The following HIPK2 variants were observed in gnomAD, a reference collection of about 807,000 sequenced individuals.
HIPK2 encodes the protein homeodomain-interacting protein kinase 2.
Under a neutral mutation model 113.7 loss-of-function variants are expected in HIPK2, and 27 were observed. That is an observed-to-expected ratio of 0.24 (90% CI 0.17 to 0.33). The LOEUF (loss-of-function observed/expected upper bound fraction) is 0.33. Among genes scored for constraint, HIPK2 ranks in the 10% least tolerant of loss-of-function variants. HIPK2 has a pLI of 1.00. For synonymous variants in HIPK2, 631 were observed against 642.2 expected (o/e 0.98, Z 0.26); for missense variants, 1,257 against 1,588.0 (o/e 0.79, Z 3.54).
chr7:139,583,168 G>A (rs913473723), intron 13 of HIPK2, among the ~76,000 whole-genome samples: 3 of 152,230 alleles, frequency 2.0e-5, no homozygotes, highest in Admixed American at 6.5e-5. Context: ...ATGAGCAAGG[G>A]AAACGCTAAA....
intron 1 of HIPK2, among the ~76,000 whole-genome samples, chr7:139,734,209 A>G (rs890828622): frequency 6.6e-6 from 1 of 152,214 alleles, no homozygotes; most frequent in Non-Finnish European, 1.5e-5. Context: ...CATCACTTCC[A>G]TTCCCCAGGA....
intron 2 of HIPK2, among the ~76,000 whole-genome samples, chr7:139,690,489 G>C (rs953619802): frequency 6.6e-6 from 1 of 151,962 alleles, no homozygotes. Flanking sequence ...TGTTGTCCTC[G>C]CAGTAATAAA....
At chr7:139,730,366 T>G (rs897348182) in intron 1 of HIPK2, among the ~76,000 whole-genome samples, 2 of 147,418 alleles carry the variant, frequency 1.4e-5, no homozygotes, top group Non-Finnish European at 3.0e-5. Flanking sequence ...TTTTCTCTCT[T>G]TTTTTTTTTT....
chr7:139,585,579 A>G (rs947002518), intron 12 of HIPK2, among the ~76,000 whole-genome samples: 1 of 152,328 alleles, frequency 6.6e-6, no homozygotes, highest in East Asian at 1.9e-4. Context: ...GTGGGCAGCT[A>G]TTTAACCTCT....
At chr7:139,773,584 GTGGTTCCCCAAGAC>G (rs1796689081) in intron 1 of HIPK2, among the ~76,000 whole-genome samples, 1 of 152,196 alleles carries the variant, frequency 6.6e-6, no homozygotes, top group Non-Finnish European at 1.5e-5. Context: ...AACCTCAAAG[GTGGTTCCCCAAGAC>G]TGGTCTCTAT....
chr7:139,602,677 G>C (rs1256219259), intron 10 of HIPK2, among the ~76,000 whole-genome samples: 1 of 152,132 alleles, frequency 6.6e-6, no homozygotes, highest in East Asian at 1.9e-4. Context: ...TGCTCCTAAG[G>C]AGCTGGAGGA....
chr7:139,568,522 C>A lies in HIPK2; in HGVS notation c.*4405G>T, dbSNP rs17261727. 6.6e-6 allele frequency: 1 copy of A among 152,168 alleles called. No homozygotes were observed. Among genetic ancestry groups the A allele is most frequent in the East Asian group, 1.9e-4 (1 of 5,190 alleles). 9.4% of individuals were successfully genotyped at this position (152,168 alleles called of 1,614,324 possible). On this transcript the variant is annotated 3_prime_UTR_variant, in exon 15 of 15. Transcript: ENST00000406875. ...CAGTGAGCAGAAGCAAATTGCCCTG[C>A]GGTTCACCAGGCTCCAGTTAAACAC... is the stretch of plus-strand genomic sequence containing the variant.
At chr7:139,649,507 G>A (rs1182845751) in intron 2 of HIPK2, among the ~76,000 whole-genome samples, 1 of 152,096 alleles carries the variant, frequency 6.6e-6, no homozygotes, top group Non-Finnish European at 1.5e-5. Flanking sequence ...GAATATTAAG[G>A]GTGGTCTTGA....
chr7:139,636,434 T>C (rs1800817182), intron 2 of HIPK2, among the ~76,000 whole-genome samples: 1 of 152,126 alleles, frequency 6.6e-6, no homozygotes, highest in Non-Finnish European at 1.5e-5. Context: ...CATGTGACTT[T>C]ATTTAGGAAT....
At chr7:139,672,604 C>T (rs1247267250) in intron 2 of HIPK2, among the ~76,000 whole-genome samples, 2 of 152,042 alleles carry the variant, frequency 1.3e-5, no homozygotes, top group South Asian at 2.1e-4. Context: ...TAGCTACAGG[C>T]GCTGCCACCA....
chr7:139,753,925 G>A (rs1408986351), intron 1 of HIPK2, among the ~76,000 whole-genome samples: 1 of 152,262 alleles, frequency 6.6e-6, no homozygotes, highest in Non-Finnish European at 1.5e-5. Flanking sequence ...TGGAAATGAA[G>A]ACTGGCACTT....
chr7:139,759,217 T>C (rs1379745496), intron 1 of HIPK2, among the ~76,000 whole-genome samples: 1 of 152,082 alleles, frequency 6.6e-6, no homozygotes, highest in East Asian at 1.9e-4. Flanking sequence ...ATAACAGAAA[T>C]ATAAATTAAA....
At chr7:139,575,812 T>TGA in intron 13 of HIPK2, among the ~76,000 whole-genome samples, 1 of 152,332 alleles carries the variant, frequency 6.6e-6, no homozygotes, top group East Asian at 1.9e-4. Context: ...GGTTAGCTAT[T>TGA]GAGAGATTGG....
chr7:139,707,088 C>T (rs1794922855), intron 2 of HIPK2, among the ~76,000 whole-genome samples: 2 of 152,198 alleles, frequency 1.3e-5, no homozygotes, highest in African/African-American at 2.4e-5. Flanking sequence ...CTGGAGGCCT[C>T]GGGCAGGCTC....
chr7:139,638,234 T>A (rs1415265966), intron 2 of HIPK2, among the ~76,000 whole-genome samples: 1 of 152,222 alleles, frequency 6.6e-6, no homozygotes, highest in East Asian at 1.9e-4. Flanking sequence ...CCTTTGGTTT[T>A]AACCTTTTCC....
In HIPK2 at chr7:139,746,996, T is replaced by C. The variant is rs574625037; in HGVS notation, c.20-29981A>G. 9.8e-5 allele frequency among the ~76,000 whole-genome samples: 15 copies of C among 152,320 alleles called. No individual in the cohort carries two copies. In the South Asian group the frequency reaches 3.1e-3, roughly 32 times the overall value. On this transcript the variant is annotated intron_variant, in intron 1 of 14. Transcript: ENST00000406875. Reference sequence around the variant, plus strand: ...TAGAGCTAGAAAAAGAGGCAATTTTTAAATTATACCACGCACTGAGCCAAA... The same window carrying C: ...TAGAGCTAGAAAAAGAGGCAATTTTCAAATTATACCACGCACTGAGCCAAA...
intron 1 of HIPK2, among the ~76,000 whole-genome samples, chr7:139,749,117 C>T (rs761079271): frequency 4.6e-5 from 7 of 152,228 alleles, no homozygotes; most frequent in East Asian, 1.9e-4. Flanking sequence ...TTCATCAAAC[C>T]GCCTTCTTTT....
At position 139,561,921 on chromosome 7, in the gene HIPK2, A is replaced by G. The variant is rs1797960187; in HGVS notation, c.*11006T>C. ...TTTCTACAACGAAAATGATTAATTT[A>G]GAAGCACACGACGTCATGATGAAAA... is the stretch of plus-strand genomic sequence containing the variant. On this transcript the variant is annotated 3_prime_UTR_variant, in exon 15 of 15. Coordinates refer to ENST00000406875, the MANE Select transcript of HIPK2 (RefSeq NM_022740.5). 1 of 152,260 alleles carries G rather than the reference A, an allele frequency of 6.6e-6. No individual in the cohort carries two copies. Among genetic ancestry groups the G allele is most frequent in the South Asian group, 2.1e-4 (1 of 4,828 alleles). 9.4% of individuals were successfully genotyped at this position (152,260 alleles called of 1,614,324 possible).
At chr7:139,625,832 A>AC (rs1800406922) in intron 6 of HIPK2, among the ~76,000 whole-genome samples, 2 of 152,152 alleles carry the variant, frequency 1.3e-5, no homozygotes, top group African/African-American at 4.8e-5. Context: ...TCACCACTGT[A>AC]CCCCGGCACA....
Sources: gnomAD v4.1 joint callset for allele counts (sites outside exome capture counted in the v4.1 genomes callset) on GRCh38, gnomAD v4.1.1 for gene constraint, MANE v1.5 for transcripts, NCBI Gene and HGNC (gene_info 2026-07-23, HGNC 2026-07-21) for gene names.